FNIP1: variants seen among roughly 807,000 people sequenced by gnomAD.
The protein encoded by FNIP1 is folliculin-interacting protein 1.
A neutral mutation model predicts 124.5 loss-of-function variants in FNIP1; 40 were observed. The observed-to-expected ratio is 0.32, with a 90% confidence interval of 0.25 to 0.42. The LOEUF (loss-of-function observed/expected upper bound fraction) is 0.42, where lower values mean the gene tolerates loss of function less well. Ranked by LOEUF, FNIP1 falls within the 10% of genes least tolerant of loss-of-function variation. The probability of loss-of-function intolerance (pLI) is 1.00; values close to 1 mark genes in which losing one functional copy is unlikely to be tolerated. For synonymous variants in FNIP1, 472 were observed against 470.6 expected, an observed-to-expected ratio of 1.00 and a Z score of -0.04; for missense variants, 1,176 against 1,403.7, an observed-to-expected ratio of 0.84 and a Z score of 2.59.
intron 1 of FNIP1, among the ~76,000 whole-genome samples, chr5:131,745,956 G>A (rs1417206659): frequency 6.6e-6 from 1 of 152,150 alleles, no homozygotes. Context: ...ACCAGAAAAG[G>A]GACGTAACAG....
chr5:131,673,182 G>A (rs1767818789), intron 13 of FNIP1, among the ~76,000 whole-genome samples: 1 of 151,644 alleles, frequency 6.6e-6, no homozygotes, highest in Non-Finnish European at 1.5e-5. Flanking sequence ...TGAGTAGCTG[G>A]GACTATAAGC....
At chr5:131,759,277 T>G (rs529075446) in intron 1 of FNIP1, among the ~76,000 whole-genome samples, 1 of 152,268 alleles carries the variant, frequency 6.6e-6, no homozygotes, top group East Asian at 1.9e-4. Context: ...AAACAGCTTC[T>G]GCACAGCAAA....
At chr5:131,732,129 C>T (rs1318273630) in intron 2 of FNIP1, among the ~76,000 whole-genome samples, 1 of 152,178 alleles carries the variant, frequency 6.6e-6, no homozygotes, top group Non-Finnish European at 1.5e-5. Flanking sequence ...TACAATCCAC[C>T]AACATCTGTG....
At chr5:131,780,202 G>A (rs1771950780) in intron 1 of FNIP1, among the ~76,000 whole-genome samples, 1 of 152,108 alleles carries the variant, frequency 6.6e-6, no homozygotes, top group South Asian at 2.1e-4. Context: ...CAAATGTAGA[G>A]ACTTCAATAA....
chr5:131,646,765 G>C (rs1228038101), intron 17 of FNIP1, among the ~76,000 whole-genome samples: 1 of 152,200 alleles, frequency 6.6e-6, no homozygotes, highest in African/African-American at 2.4e-5. Context: ...CATGTGGAAG[G>C]CAGGGCAGAT....
At position 131,710,640 on chromosome 5, in the gene FNIP1, G is replaced by C; in HGVS notation, c.644C>G (p.Pro215Arg). ...ACCCTGCTCAGAGAATGCCCGCCTG[G>C]GGCTGCAGAACTGTGAAAGACCTAC... Reference protein sequence around the residue: ...GNIGLSQFCSPRRAFSEQGPL... With the variant: ...GNIGLSQFCSRRRAFSEQGPL... Residue 215 changes from proline (P) to arginine (R), a missense_variant, in exon 7 of 18, where the codon CCC (proline) becomes CGC (arginine). Coordinates refer to ENST00000510461, the MANE Select transcript of FNIP1 (RefSeq NM_133372.3). 1 of 1,613,882 alleles carries C rather than the reference G, an allele frequency of 6.2e-7. No homozygotes were observed. The highest frequency in any genetic ancestry group is 1.3e-5 in the African/African-American group (1 of 74,996).
At chr5:131,784,511 A>T (rs1772096436) in intron 1 of FNIP1, among the ~76,000 whole-genome samples, 1 of 152,156 alleles carries the variant, frequency 6.6e-6, no homozygotes, top group Admixed American at 6.5e-5. Flanking sequence ...TAAACAGTAT[A>T]TTTAATTTGT....
chr5:131,644,636 C>T lies in FNIP1; in HGVS notation c.*49G>A, dbSNP rs1347915198. The T allele has an allele frequency of 2.6e-6, 4 of 1,514,484 alleles. No individual in the cohort carries two copies. In the South Asian group the frequency reaches 3.4e-5, roughly 13 times the overall value. 93.8% of individuals were successfully genotyped at this position (1,514,484 alleles called of 1,614,324 possible). ...CATAAATGCATGTTGTGTCTGCTTC[C>T]TTGGTTTCTACCTATTTTCCCACCA... On this transcript the variant is annotated 3_prime_UTR_variant, in exon 18 of 18. Transcript: ENST00000510461.
chr5:131,688,233 A>G (rs1237795927), intron 11 of FNIP1, among the ~76,000 whole-genome samples: 2 of 152,116 alleles, frequency 1.3e-5, no homozygotes, highest in African/African-American at 4.8e-5. Context: ...TGCAGGACAC[A>G]GAATCTATTC....
chr5:131,680,037 G>A (rs1272294461), intron 11 of FNIP1, among the ~76,000 whole-genome samples: 1 of 152,182 alleles, frequency 6.6e-6, no homozygotes, highest in Non-Finnish European at 1.5e-5. Context: ...GTAGAACCTG[G>A]CAATGATGGA....
chr5:131,788,708 A>G (rs1371151017), intron 1 of FNIP1, among the ~76,000 whole-genome samples: 2 of 151,332 alleles, frequency 1.3e-5, no homozygotes, highest in Non-Finnish European at 2.9e-5. Context: ...AAAAAAAAAA[A>G]AAAAAAAAGA....
chr5:131,683,408 C>T lies in FNIP1; in HGVS notation c.1203-4233G>A, dbSNP rs537137526. ...CTAAAAATACAAAAAAAAAAATTAGCCAGGCGTGGTGGTGGGCACCTGTAG... is the reference window on the plus strand; with the variant it reads ...CTAAAAATACAAAAAAAAAAATTAGTCAGGCGTGGTGGTGGGCACCTGTAG... On this transcript the variant is annotated intron_variant, in intron 11 of 17. Coordinates refer to ENST00000510461, the MANE Select transcript of FNIP1 (RefSeq NM_133372.3). Among the ~76,000 whole-genome samples, 4 of 151,820 alleles carry T rather than the reference C, an allele frequency of 2.6e-5. No individual in the cohort carries two copies. In the South Asian group the frequency reaches 8.3e-4, roughly 32 times the overall value.
chr5:131,731,681 C>A (rs1211750509), intron 2 of FNIP1, among the ~76,000 whole-genome samples: 1 of 151,210 alleles, frequency 6.6e-6, no homozygotes, highest in Non-Finnish European at 1.5e-5. Flanking sequence ...AACAAAACAA[C>A]CCTTAATGTT....
chr5:131,671,611 C>A lies in FNIP1; in HGVS notation c.2833G>T (p.Asp945Tyr). 6.2e-7 allele frequency: 1 copy of A among 1,614,044 alleles called. No individual in the cohort carries two copies. Among genetic ancestry groups the A allele is most frequent in the Non-Finnish European group, 8.5e-7 (1 of 1,180,008 alleles). Reference protein sequence around the residue: ...RNESSDSALGDSESEDTGHDM... With the variant: ...RNESSDSALGYSESEDTGHDM... ...TGACCTGTATCTTCACTTTCACTAT[C>A]CCCAAGGGCACTGTCTGAACTTTCA... The change falls in exon 14 of 18, where the codon GAT becomes TAT. Residue 945 changes from aspartate (D) to tyrosine (Y), a missense_variant. Around this residue, in one of 2 missense-constraint regions of FNIP1, gnomAD observed 1,109 missense variants for 1,288.5 expected, o/e 0.86. Transcript: ENST00000510461.
intron 11 of FNIP1, 50 bp downstream of exon 11, chr5:131,698,867 C>G (rs1251869954): frequency 6.2e-6 from 9 of 1,455,052 alleles, no homozygotes; most frequent in Non-Finnish European, 8.4e-6. Flanking sequence ...AATGAATCTT[C>G]CTGTGTACAC....
At chr5:131,726,867 T>C (rs1163766742) in intron 3 of FNIP1, among the ~76,000 whole-genome samples, 2 of 152,200 alleles carry the variant, frequency 1.3e-5, no homozygotes, top group Non-Finnish European at 2.9e-5. Flanking sequence ...GGTGTGTCTT[T>C]GTTCAAACTT....
chr5:131,673,140 T>C (rs1242673736), intron 13 of FNIP1, among the ~76,000 whole-genome samples: 2 of 151,854 alleles, frequency 1.3e-5, no homozygotes, highest in East Asian at 3.9e-4. Context: ...CTCAGCCTCC[T>C]AGGCTCAGGT....
chr5:131,653,819 GC>G (rs1053160191), intron 15 of FNIP1, among the ~76,000 whole-genome samples: 11 of 152,240 alleles, frequency 7.2e-5, no homozygotes, highest in Non-Finnish European at 1.5e-4. Context: ...TCAGCTCACT[GC>G]AACCTCCACC....
intron 11 of FNIP1, among the ~76,000 whole-genome samples, chr5:131,693,178 T>G (rs1465458388): frequency 1.3e-5 from 2 of 149,086 alleles, no homozygotes; most frequent in Non-Finnish European, 1.5e-5. Context: ...GTTAAATAGC[T>G]TGATTTAGCC....
Sources: gnomAD v4.1 joint callset for allele counts (sites outside exome capture counted in the v4.1 genomes callset) on GRCh38, gnomAD v4.1.1 for gene constraint, gnomAD v4.1.1 regional missense constraint, MANE v1.5 for transcripts, NCBI Gene and HGNC (gene_info 2026-07-23, HGNC 2026-07-21) for gene names.